ARID1B: variants seen among roughly 807,000 people sequenced by gnomAD.
ARID1B encodes AT-rich interaction domain 1B.
Under a neutral mutation model 212.3 loss-of-function variants are expected in ARID1B, and 30 were observed. The observed-to-expected ratio is 0.14, with a 90% CI of 0.11 to 0.19. The LOEUF (loss-of-function observed/expected upper bound fraction) is 0.19. Among genes scored for constraint, ARID1B ranks in the 10% least tolerant of loss-of-function variants. ARID1B has a pLI of 1.00. For missense variants in ARID1B, 2,891 were observed against 3,204.0 expected (o/e 0.90, Z 2.36); for synonymous variants, 1,402 against 1,301.7 (o/e 1.08, Z -1.66).
intron 4 of ARID1B, among the ~76,000 whole-genome samples, chr6:157,010,206 G>A (rs1779488293): frequency 6.6e-6 from 1 of 150,902 alleles, no homozygotes; most frequent in Non-Finnish European, 1.5e-5. Context: ...GAATAGGGCC[G>A]AGCTATTATT....
At chr6:156,815,737 A>T (rs6929115) in intron 1 of ARID1B, among the ~76,000 whole-genome samples, 42,436 of 152,202 alleles carry the variant, frequency 0.28, 6,120 homozygotes, top group Non-Finnish European at 0.31. Flanking sequence ...TGACCAGCAT[A>T]CCTTGTTGTT....
In ARID1B at chr6:156,778,598, C is replaced by A; in HGVS notation, c.918C>A (p.Gly306=). Residue 306 remains glycine, a synonymous_variant, in exon 1 of 20, where the codon GGC becomes GGA. Coordinates refer to ENST00000636930, the MANE Select transcript of ARID1B (RefSeq NM_001374828.1). The part of the protein sequence containing the change: ...PPVAVPGGGG[G]PAAVPEFNNY... Reference sequence around the variant, plus strand: ...TCGCCGTGCCCGGGGGCGGCGGCGGCCCGGCGGCCGTCCCGGAGTTTAATA... The same window carrying A: ...TCGCCGTGCCCGGGGGCGGCGGCGGACCGGCGGCCGTCCCGGAGTTTAATA... 7.7e-7 allele frequency: 1 copy of A among 1,296,500 alleles called. No homozygotes were observed. The highest frequency in any genetic ancestry group is 3.2e-5 in the East Asian group (1 of 31,424). The allele number at this position is 1,296,500 out of a possible 1,614,324, so 80.3% of individuals were successfully genotyped here.
rs923205456 is a variant in ARID1B at position 157,148,705 on chromosome 6, C to G, written c.2843C>G (p.Ala948Gly). Residue 948 changes from alanine (A) to glycine (G), a missense_variant, in exon 8 of 20, where the codon GCC (alanine) becomes GGC (glycine). Ala to Gly is a moderately conservative substitution (Grantham distance 60, BLOSUM62 0). Around this residue, in one of 7 missense-constraint regions of ARID1B, gnomAD observed 1,643 missense variants for 1,544.0 expected, o/e 1.06. Transcript: ENST00000636930. The surrounding 1 kb of genome is among the most constrained non-coding windows in gnomAD (Gnocchi z 5.6). ...CCAGGGCCCGGTATGGGTATCAGTGCCAACAACCAGATGCATGGACAAGGG... is the reference window on the plus strand; with the variant it reads ...CCAGGGCCCGGTATGGGTATCAGTGGCAACAACCAGATGCATGGACAAGGG... The part of the protein sequence containing the change: ...SGPGPGMGIS[A>G]NNQMHGQGPS... 3 of 1,613,026 alleles carry G rather than the reference C, an allele frequency of 1.9e-6. No individual in the cohort carries two copies. Among genetic ancestry groups the G allele is most frequent in the Non-Finnish European group, 2.5e-6 (3 of 1,179,884 alleles).
chr6:156,862,876 A>C (rs1785432522), intron 2 of ARID1B, among the ~76,000 whole-genome samples: 1 of 152,274 alleles, frequency 6.6e-6, no homozygotes, highest in Non-Finnish European at 1.5e-5. Flanking sequence ...GACAGAACAG[A>C]TGATGAGCTG....
At chr6:157,109,012 A>C (rs923186243) in intron 5 of ARID1B, among the ~76,000 whole-genome samples, 5 of 152,220 alleles carry the variant, frequency 3.3e-5, no homozygotes, top group African/African-American at 1.2e-4. Flanking sequence ...TTTTATAGTA[A>C]TATTTTAACA....
At chr6:157,036,927 G>GGT (rs1781368678) in intron 4 of ARID1B, 1 of 483,424 alleles carries the variant, frequency 2.1e-6, no homozygotes, top group Non-Finnish European at 4.1e-6. Context: ...GTTCCTCCTA[G>GGT]GTGGATTTGA....
chr6:156,964,349 C>T (rs187638214), intron 4 of ARID1B, among the ~76,000 whole-genome samples: 39 of 152,290 alleles, frequency 2.6e-4, no homozygotes, highest in South Asian at 6.2e-4. Context: ...CTTTAGAGAC[C>T]ACTCTGTTTA....
At chr6:156,874,808 G>A (rs1786415396) in intron 2 of ARID1B, among the ~76,000 whole-genome samples, 2 of 152,136 alleles carry the variant, frequency 1.3e-5, no homozygotes, top group South Asian at 4.1e-4. Context: ...CCTTCGTGGA[G>A]CTTTAATCCA....
chr6:156,970,064 G>A (rs893794855), intron 4 of ARID1B, among the ~76,000 whole-genome samples: 13 of 149,988 alleles, frequency 8.7e-5, no homozygotes, highest in African/African-American at 3.2e-4. Flanking sequence ...TTTTTTGTGT[G>A]TTTTGTTTGT....
At chr6:156,853,167 T>C (rs1189601561) in intron 2 of ARID1B, among the ~76,000 whole-genome samples, 1 of 152,256 alleles carries the variant, frequency 6.6e-6, no homozygotes, top group African/African-American at 2.4e-5. Flanking sequence ...GGTTTAACTC[T>C]GTGCTTTAAA....
chr6:157,094,459 A>G lies in ARID1B; in HGVS notation c.2491+9554A>G, dbSNP rs1486579065. 6.6e-6 allele frequency among the ~76,000 whole-genome samples: 1 copy of G among 152,066 alleles called. No homozygotes were observed. Among genetic ancestry groups the G allele is most frequent in the Non-Finnish European group, 1.5e-5 (1 of 68,004 alleles). Reference sequence around the variant, plus strand: ...AACCTCTACCTCCCAGGTTCAAGCAATTCTCCTACCTCAGCCTCCCGAGTA... The same window carrying G: ...AACCTCTACCTCCCAGGTTCAAGCAGTTCTCCTACCTCAGCCTCCCGAGTA... On this transcript the variant is annotated intron_variant, in intron 5 of 19. Coordinates refer to ENST00000636930, the MANE Select transcript of ARID1B (RefSeq NM_001374828.1). This position sits in a 1 kb window ranked among gnomAD's most constrained non-coding sequence, Gnocchi z 4.3.
chr6:157,050,891 A>G (rs954529350), intron 4 of ARID1B, among the ~76,000 whole-genome samples: 1 of 152,214 alleles, frequency 6.6e-6, no homozygotes, highest in Non-Finnish European at 1.5e-5. Context: ...TCACACATGT[A>G]TGCATTCTTT....
At chr6:156,946,389 TAATA>T (rs1554272794) in intron 4 of ARID1B, among the ~76,000 whole-genome samples, 1 of 151,126 alleles carries the variant, frequency 6.6e-6, no homozygotes, top group Non-Finnish European at 1.5e-5. Flanking sequence ...AAAAAATAAA[TAATA>T]AATAAATAAA....
Position 156,903,743 on chromosome 6 carries a change from C to T in ARID1B, c.2136+2218C>T, listed in dbSNP as rs549955869. Among the ~76,000 whole-genome samples the T allele has an allele frequency of 5.3e-5, 8 of 152,296 alleles. No individual in the cohort carries two copies. The South Asian group carries it at 1.2e-3, about 24-fold the overall frequency. ...CACTGAATTCATATACCTTTAAAAA[C>T]TTAAGAAGCTCAACCATATTTAACC... On this transcript the variant is annotated intron_variant, in intron 3 of 19. Transcript: ENST00000636930.
intron 2 of ARID1B, among the ~76,000 whole-genome samples, chr6:156,874,359 C>T (rs1309137947): frequency 2.6e-5 from 4 of 152,202 alleles, no homozygotes; most frequent in East Asian, 3.8e-4. Context: ...TGAGCCACTG[C>T]GCTCAGCCAT....
rs1057522183 is a variant in ARID1B, at chr6:156,778,900, G to C, written c.1220G>C (p.Gly407Ala). 1.3e-5 allele frequency: 18 copies of C among 1,369,910 alleles called. No homozygotes were observed. Among genetic ancestry groups the C allele is most frequent in the Admixed American group, 3.7e-5 (1 of 27,370 alleles). 84.9% of individuals were successfully genotyped at this position (1,369,910 alleles called of 1,614,324 possible). Residue 407 changes from glycine to alanine, a missense_variant, in exon 1 of 20, where the codon GGA becomes GCA. Around this residue, in one of 7 missense-constraint regions of ARID1B, gnomAD observed 1,643 missense variants for 1,544.0 expected, o/e 1.06. Transcript: ENST00000636930. ...GGAGGAGGAGGCAGCGGAGGAGGAGGAGGAGGAGGAGGAGCAGGAGCAGGA... is the reference window on the plus strand; with the variant it reads ...GGAGGAGGAGGCAGCGGAGGAGGAGCAGGAGGAGGAGGAGCAGGAGCAGGA... Reference protein sequence around the residue: ...GGGGGGSGGGGGGGGAGAGGA... With the variant: ...GGGGGGSGGGAGGGGAGAGGA...
chr6:157,106,941 C>T (rs988813332), intron 5 of ARID1B, among the ~76,000 whole-genome samples: 3 of 152,140 alleles, frequency 2.0e-5, no homozygotes, highest in Non-Finnish European at 4.4e-5. Flanking sequence ...TAAACAAGAT[C>T]TTCTAAAGGA....
chr6:156,828,432 T>C (rs981598140), intron 1 of ARID1B, among the ~76,000 whole-genome samples: 1 of 152,216 alleles, frequency 6.6e-6, no homozygotes, highest in Non-Finnish European at 1.5e-5. Flanking sequence ...TGCTGCCTGC[T>C]ACTGTAGCAC....
intron 3 of ARID1B, among the ~76,000 whole-genome samples, chr6:156,923,376 A>G (rs1317515846): frequency 6.6e-6 from 1 of 152,206 alleles, no homozygotes; most frequent in Non-Finnish European, 1.5e-5. Flanking sequence ...GTCAGCTGTC[A>G]GGTAGGGTCC....
Sources: allele counts gnomAD v4.1 joint callset (sites outside exome capture counted in the v4.1 genomes callset), GRCh38; gene constraint gnomAD v4.1.1; regional missense constraint gnomAD v4.1.1; non-coding constraint Gnocchi (gnomAD v3.1); transcripts MANE v1.5; gene names NCBI Gene and HGNC (gene_info 2026-07-23, HGNC 2026-07-21).